The following OR51B5 variants were observed in gnomAD, a reference collection of about 807,000 sequenced individuals.
The protein encoded by OR51B5 is olfactory receptor 51B5.
For missense variants in OR51B5, 456 were observed against 374.6 expected (o/e 1.22, Z -1.79); for synonymous variants, 186 against 144.8 (o/e 1.28, Z -2.04).
chr11:5,480,726 A>G (rs1407345024), intron 1 of OR51B5, among the ~76,000 whole-genome samples: 2 of 150,872 alleles, frequency 1.3e-5, no homozygotes, highest in Non-Finnish European at 3.0e-5. Context: ...AATACTACAA[A>G]CACCTCTATG....
chr11:5,347,311 G>T (rs1018940714), upstream of OR51B5, among the ~76,000 whole-genome samples: 1 of 152,162 alleles, frequency 6.6e-6, no homozygotes, highest in East Asian at 1.9e-4. Context: ...GCTTGGTTTA[G>T]ATCAGAGAAA....
intron 1 of OR51B5, among the ~76,000 whole-genome samples, chr11:5,378,432 G>A (rs9795249): frequency 0.48 from 72,354 of 151,788 alleles, 17,500 homozygotes; most frequent in Middle Eastern, 0.56. Flanking sequence ...CACCAAAAGC[G>A]ATGGCAACAA....
chr11:5,423,206 G>C (rs775531108), intron 1 of OR51B5: 1 of 1,469,496 alleles, frequency 6.8e-7, no homozygotes, highest in Non-Finnish European at 9.0e-7. Flanking sequence ...GCTTAAGGGG[G>C]GAATATATTC....
At chr11:5,351,919 C>G (rs752458135) in intron 1 of OR51B5, 1 of 1,613,138 alleles carries the variant, frequency 6.2e-7, no homozygotes, top group Non-Finnish European at 8.5e-7. Context: ...GACCAACACC[C>G]AGGTAATGAA....
intron 1 of OR51B5, chr11:5,440,951 T>G (rs756443564): frequency 1.2e-5 from 19 of 1,613,954 alleles, no homozygotes; most frequent in Non-Finnish European, 1.5e-5. Context: ...CACATGCTAC[T>G]TTCATGAGAT....
upstream of OR51B5, chr11:5,346,239 C>G (rs920152368): frequency 6.6e-6 from 1 of 152,078 alleles, no homozygotes; most frequent in Non-Finnish European, 1.5e-5. Flanking sequence ...TTCTCCATTC[C>G]CAAGAATTCC....
intron 1 of OR51B5, chr11:5,431,305 A>T: frequency 3.3e-6 from 1 of 305,896 alleles, no homozygotes; most frequent in Non-Finnish European, 6.5e-6. Flanking sequence ...CATCTGGGCC[A>T]GGCAGCCATC....
intron 1 of OR51B5, among the ~76,000 whole-genome samples, chr11:5,376,689 CA>C (rs1849533842): frequency 6.6e-6 from 1 of 151,964 alleles, no homozygotes; most frequent in Admixed American, 6.6e-5. Flanking sequence ...CACCTCTACG[CA>C]AATAAACTAG....
chr11:5,425,390 G>T (rs1218452218), intron 1 of OR51B5, among the ~76,000 whole-genome samples: 2 of 152,178 alleles, frequency 1.3e-5, no homozygotes, highest in Non-Finnish European at 2.9e-5. Context: ...GGTCAGAGAT[G>T]AACTAACAAG....
At chr11:5,491,372 G>C (rs1851578897) in intron 1 of OR51B5, among the ~76,000 whole-genome samples, 1 of 152,200 alleles carries the variant, frequency 6.6e-6, no homozygotes, top group Admixed American at 6.5e-5. Flanking sequence ...GCCATGGAGA[G>C]CTCCTAGTTC....
At chr11:5,351,491 T>C (rs1849085474) in intron 1 of OR51B5, 1 of 1,589,898 alleles carries the variant, frequency 6.3e-7, no homozygotes, top group Non-Finnish European at 8.6e-7. Flanking sequence ...AATATTTGCC[T>C]CTTTGCAAAG....
intron 1 of OR51B5, among the ~76,000 whole-genome samples, chr11:5,394,484 G>GCCTATATT (rs1849839452): frequency 6.6e-6 from 1 of 152,116 alleles, no homozygotes; most frequent in South Asian, 2.1e-4. Context: ...CTCAGCACAA[G>GCCTATATT]CCTATATTCC....
At chr11:5,409,435 C>G (rs1400843843) in intron 1 of OR51B5, among the ~76,000 whole-genome samples, 1 of 151,930 alleles carries the variant, frequency 6.6e-6, no homozygotes, top group East Asian at 1.9e-4. Context: ...TGGGAAAAAG[C>G]TGATGAAATA....
chr11:5,422,862 C>G (rs1213463415), intron 1 of OR51B5: 1 of 1,614,150 alleles, frequency 6.2e-7, no homozygotes, highest in South Asian at 1.1e-5. Flanking sequence ...ATCTCCTATA[C>G]ACTTATTCTG....
Position 5,500,308 on chromosome 11 carries a change from A to T in OR51B5, n.84+5261T>A, listed in dbSNP as rs145591611. Among the ~76,000 whole-genome samples the T allele has an allele frequency of 5.6e-3, 858 of 152,354 alleles. 6 individuals carry two copies. Among genetic ancestry groups the T allele is most frequent in the African/African-American group, 0.02 (820 of 41,580 alleles). On this transcript the variant is annotated intron_variant and non_coding_transcript_variant, in intron 1 of 4. Transcript: ENST00000415970. Reference sequence around the variant, plus strand: ...TAGTGCCCTATGTGATCTGAAGTATATAAGTAAAAGGATTAACAAAACTCC... The same window carrying T: ...TAGTGCCCTATGTGATCTGAAGTATTTAAGTAAAAGGATTAACAAAACTCC...
intron 1 of OR51B5, among the ~76,000 whole-genome samples, chr11:5,471,853 G>A (rs1010789645): frequency 1.3e-5 from 2 of 152,090 alleles, no homozygotes; most frequent in East Asian, 3.9e-4. Flanking sequence ...AATAGAAAGA[G>A]TAATGCAAAG....
intron 1 of OR51B5, among the ~76,000 whole-genome samples, chr11:5,474,533 A>G (rs1690384892): frequency 6.6e-6 from 1 of 152,184 alleles, no homozygotes; most frequent in Admixed American, 6.5e-5. Context: ...TTATCTATCC[A>G]AACTTAAGAC....
At chr11:5,409,913 C>CATT (rs34829880) in intron 1 of OR51B5, among the ~76,000 whole-genome samples, 123,489 of 151,946 alleles carry the variant, frequency 0.81, 51,229 homozygotes, top group Non-Finnish European at 0.89. Flanking sequence ...GAAAATGTCT[C>CATT]ATCTTTAAAT....
chr11:5,388,843 G>A (rs1245068139), intron 1 of OR51B5, among the ~76,000 whole-genome samples: 1 of 151,962 alleles, frequency 6.6e-6, no homozygotes, highest in African/African-American at 2.4e-5. Context: ...ACAGACTTGA[G>A]GTATTCAGTA....
Sources: allele counts gnomAD v4.1 joint callset (sites outside exome capture counted in the v4.1 genomes callset), GRCh38; gene constraint gnomAD v4.1.1; transcripts MANE v1.5; gene names NCBI Gene and HGNC (gene_info 2026-07-23, HGNC 2026-07-21).